The following HNF4A variants were observed in gnomAD, a reference collection of about 807,000 sequenced individuals.
The protein encoded by HNF4A is hepatocyte nuclear factor 4-alpha.
A neutral mutation model predicts 52.4 loss-of-function variants in HNF4A; 15 were observed. The ratio of observed to expected loss-of-function variants is 0.29; its 90% CI spans 0.19 to 0.44. HNF4A has a LOEUF of 0.44. Ranked by LOEUF, HNF4A falls within the 20% of genes least tolerant of loss-of-function variation. The pLI, the probability that HNF4A is intolerant of heterozygous loss-of-function variation, is 1.00. For synonymous variants in HNF4A, 280 were observed against 264.4 expected (o/e 1.06, Z -0.57); for missense variants, 479 against 647.2 (o/e 0.74, Z 2.82).
chr20:44,388,381 A>ACCCCCCCCCCCCCCCCCCCCCCCCC (rs1227407354), intron 1 of HNF4A, among the ~76,000 whole-genome samples: 1 of 76,226 alleles, frequency 1.3e-5, no homozygotes, highest in Non-Finnish European at 2.3e-5. Context: ...GACCCCCCCC[A>ACCCCCCCCCCCCCCCCCCCCCCCCC]CCCCCGTACA....
Position 44,418,529 on chromosome 20 carries a change from C to T in HNF4A, c.736+17C>T, listed in dbSNP as rs770124939. On this transcript the variant is annotated intron_variant, in intron 6 of 9. Coordinates refer to ENST00000316099, the MANE Select transcript of HNF4A (RefSeq NM_000457.6). Reference sequence around the variant, plus strand: ...TGCTCCTAGGTGAGGCGGCTGCCTGCCCTGGCCAGGGCTCCAGGGAGGGTA... The same window carrying T: ...TGCTCCTAGGTGAGGCGGCTGCCTGTCCTGGCCAGGGCTCCAGGGAGGGTA... 5 of 1,594,002 alleles carry T rather than the reference C, an allele frequency of 3.1e-6. No individual in the cohort carries two copies. Among genetic ancestry groups the T allele is most frequent in the Non-Finnish European group, 4.3e-6 (5 of 1,165,542 alleles).
intron 1 of HNF4A, among the ~76,000 whole-genome samples, chr20:44,382,884 C>T (rs1214383223): frequency 6.6e-6 from 1 of 152,166 alleles, no homozygotes; most frequent in Non-Finnish European, 1.5e-5. Flanking sequence ...AAACATTTCT[C>T]CAGGCTGGGT....
rs561849938 is a variant in HNF4A, at chr20:44,424,552, C to T, written c.1129+298C>T. 136 of 1,143,962 alleles carry T rather than the reference C, an allele frequency of 1.2e-4. 1 individual carries two copies. The highest frequency in any genetic ancestry group is 8.0e-4 in the South Asian group (54 of 67,832). 70.9% of individuals were successfully genotyped at this position (1,143,962 alleles called of 1,614,324 possible). A position where few individuals can be genotyped will look rare whatever the true frequency, so the allele number is the denominator to read the frequency against. ...GTGTGTGTGTGAGTATGTATGGATG[C>T]GTGGATATCTGTGTATATGCCCGTA... On this transcript the variant is annotated intron_variant, in intron 8 of 9. Transcript: ENST00000316099.
chr20:44,399,380 A>G (rs887462383), upstream of HNF4A, among the ~76,000 whole-genome samples: 14 of 152,076 alleles, frequency 9.2e-5, no homozygotes, highest in Admixed American at 8.5e-4. Flanking sequence ...CTAGTTCCTA[A>G]CCCCAGGTCT....
chr20:44,408,585 G>C (rs2063535912), intron 3 of HNF4A, among the ~76,000 whole-genome samples: 2 of 152,030 alleles, frequency 1.3e-5, no homozygotes, highest in African/African-American at 2.4e-5. Flanking sequence ...AAATTAGCTG[G>C]GCGTGGTGGT....
chr20:44,395,943 G>A (rs2063349043), intron 1 of HNF4A, among the ~76,000 whole-genome samples: 1 of 152,188 alleles, frequency 6.6e-6, no homozygotes, highest in Non-Finnish European at 1.5e-5. Flanking sequence ...GGGTGGCCAG[G>A]CGTGTGGAGG....
Position 44,401,471 on chromosome 20 carries a change from G to C in HNF4A, c.99G>C (p.Val33=). ...CCCTGGAATTTGAGAATGTGCAGGT[G>C]TTGACGATGGGCAATGGTAGGTGGG... The change falls in exon 1 of 10, where the codon GTG becomes GTC. Residue 33 remains valine, a synonymous_variant. Coordinates refer to ENST00000316099, the MANE Select transcript of HNF4A (RefSeq NM_000457.6). The C allele has an allele frequency of 6.2e-7, 1 of 1,614,250 alleles. No individual in the cohort carries two copies. Among genetic ancestry groups the C allele is most frequent in the Non-Finnish European group, 8.5e-7 (1 of 1,180,046 alleles).
At chr20:44,360,762 G>C (rs916280417) in intron 1 of HNF4A, among the ~76,000 whole-genome samples, 1 of 152,194 alleles carries the variant, frequency 6.6e-6, no homozygotes, top group Non-Finnish European at 1.5e-5. Flanking sequence ...TTGACCAATA[G>C]CATCAGCTTG....
At chr20:44,370,024 TTTTG>T (rs949186565) in intron 1 of HNF4A, among the ~76,000 whole-genome samples, 26 of 151,796 alleles carry the variant, frequency 1.7e-4, no homozygotes, top group South Asian at 4.1e-4. Flanking sequence ...CTTTTGTTTT[TTTTG>T]TTTGTTTGTT....
chr20:44,422,280 G>A (rs1246330017), intron 7 of HNF4A, among the ~76,000 whole-genome samples: 1 of 152,162 alleles, frequency 6.6e-6, no homozygotes, highest in African/African-American at 2.4e-5. Context: ...AGGCTGGACT[G>A]GCAGAATTGT....
At chr20:44,419,173 GTTA>G (rs548721636) in intron 6 of HNF4A, among the ~76,000 whole-genome samples, 6 of 152,208 alleles carry the variant, frequency 3.9e-5, no homozygotes, top group Non-Finnish European at 8.8e-5. Flanking sequence ...TCATGGCATA[GTTA>G]TTATTTTAAA....
intron 5 of HNF4A, among the ~76,000 whole-genome samples, chr20:44,415,787 G>T (rs2063655424): frequency 6.6e-6 from 1 of 152,088 alleles, no homozygotes; most frequent in South Asian, 2.1e-4. Flanking sequence ...CGCTGGTTTG[G>T]CTTGTCCCCA....
At chr20:44,383,103 G>A (rs2063175635) in intron 1 of HNF4A, among the ~76,000 whole-genome samples, 1 of 152,118 alleles carries the variant, frequency 6.6e-6, no homozygotes, top group Non-Finnish European at 1.5e-5. Flanking sequence ...TGGAGACTTG[G>A]AGGCTGCAGT....
intron 1 of HNF4A, among the ~76,000 whole-genome samples, chr20:44,371,762 T>C (rs1412531090): frequency 6.6e-6 from 1 of 152,020 alleles, no homozygotes; most frequent in African/African-American, 2.4e-5. Flanking sequence ...GAGGTGGAGA[T>C]TGCCGTGAGC....
At chr20:44,422,965 C>T (rs2063767474) in intron 7 of HNF4A, among the ~76,000 whole-genome samples, 1 of 152,168 alleles carries the variant, frequency 6.6e-6, no homozygotes, top group South Asian at 2.1e-4. Flanking sequence ...AGGCATGAGC[C>T]ACCATGCCTG....
intron 3 of HNF4A, among the ~76,000 whole-genome samples, chr20:44,410,711 A>G (rs957370851): frequency 1.3e-5 from 2 of 151,990 alleles, no homozygotes; most frequent in Admixed American, 1.3e-4. Context: ...CATCAAATCT[A>G]CCTGCTCCCC....
intron 9 of HNF4A, 144 bp downstream of exon 9, chr20:44,428,631 C>T: frequency 1.2e-6 from 1 of 812,992 alleles, no homozygotes; most frequent in South Asian, 1.5e-5. Context: ...CAAGATTGTC[C>T]ATTTGTTGAG....
rs112376923 is a variant in HNF4A at position 44,380,515 on chromosome 20, A to T, written c.49+24662A>T. ...CACTATGTTGCCCAGGCTGGTCTTA[A>T]ACTCCTGAGCTCAAGCAATCCTCCT... On this transcript the variant is annotated intron_variant, in intron 1 of 9. Transcript: ENST00000316673. 4.0e-3 allele frequency among the ~76,000 whole-genome samples: 603 copies of T among 152,220 alleles called. 4 individuals carry two copies. Among genetic ancestry groups the T allele is most frequent in the African/African-American group, 0.013 (555 of 41,538 alleles).
At chr20:44,380,023 T>C (rs1256609266) in intron 1 of HNF4A, among the ~76,000 whole-genome samples, 3 of 152,152 alleles carry the variant, frequency 2.0e-5, no homozygotes, top group Non-Finnish European at 4.4e-5. Context: ...TGAGCCACTG[T>C]GCCTGGCCCA....
Sources: gnomAD v4.1 joint callset for allele counts (sites outside exome capture counted in the v4.1 genomes callset) on GRCh38, gnomAD v4.1.1 for gene constraint, MANE v1.5 for transcripts, NCBI Gene and HGNC (gene_info 2026-07-23, HGNC 2026-07-21) for gene names.